FGFR2: variants seen among roughly 807,000 people sequenced by gnomAD.
The protein encoded by FGFR2 is fibroblast growth factor receptor 2.
A neutral mutation model predicts 95.9 loss-of-function variants in FGFR2; 19 were observed. The ratio of observed to expected loss-of-function variants is 0.20; its 90% CI spans 0.14 to 0.29. The LOEUF is 0.29. Among genes scored for constraint, FGFR2 ranks in the 10% least tolerant of loss-of-function variants. FGFR2 has a pLI of 1.00. For synonymous variants in FGFR2, 392 were observed against 393.3 expected (o/e 1.00, Z 0.04); for missense variants, 707 against 1,056.9 (o/e 0.67, Z 4.59).
chr10:121,488,203 A>ATAGCTAT, intron 13 of FGFR2, 90 bp from the exon 14 acceptor site: 1 of 1,555,112 alleles, frequency 6.4e-7, no homozygotes, highest in Non-Finnish European at 8.8e-7. Flanking sequence ...AAATGCAGAT[A>ATAGCTAT]GAAAATATAG....
intron 6 of FGFR2, among the ~76,000 whole-genome samples, chr10:121,524,101 TACACACACAC>T (rs61527395): frequency 1.3e-3 from 117 of 89,208 alleles, no homozygotes; most frequent in African/African-American, 3.9e-3. Context: ...CGGCTATGTA[TACACACACAC>T]ACACACACAC....
intron 2 of FGFR2, among the ~76,000 whole-genome samples, chr10:121,566,243 CAG>C (rs977378654): frequency 3.9e-5 from 6 of 152,110 alleles, no homozygotes; most frequent in African/African-American, 1.4e-4. Context: ...TTTTGCCATC[CAG>C]AGTTTTCATG....
At chr10:121,522,969 C>T (rs556601287) in intron 6 of FGFR2, among the ~76,000 whole-genome samples, 3 of 152,330 alleles carry the variant, frequency 2.0e-5, no homozygotes, top group Admixed American at 6.5e-5. Flanking sequence ...CAATAGATAT[C>T]TACATCATTG....
chr10:121,484,001 A>G (rs1845097186), intron 16 of FGFR2, among the ~76,000 whole-genome samples, 198 bp from the exon 17 acceptor site: 1 of 152,048 alleles, frequency 6.6e-6, no homozygotes, highest in South Asian at 2.1e-4. Context: ...TTTGACTTAC[A>G]AAAACATGTT....
intron 4 of FGFR2, among the ~76,000 whole-genome samples, chr10:121,558,741 C>A (rs1488560386): frequency 6.6e-6 from 1 of 151,968 alleles, no homozygotes; most frequent in Non-Finnish European, 1.5e-5. Flanking sequence ...AGGCGCCCGC[C>A]ACCAAGCCCG....
At chr10:121,563,104 G>A (rs996980889) in intron 4 of FGFR2, among the ~76,000 whole-genome samples, 2 of 152,148 alleles carry the variant, frequency 1.3e-5, no homozygotes, top group African/African-American at 4.8e-5. Flanking sequence ...GGCTGGGCAC[G>A]GTGGCTGACG....
intron 2 of FGFR2, among the ~76,000 whole-genome samples, chr10:121,592,121 G>A (rs1043612276): frequency 5.3e-5 from 8 of 152,262 alleles, no homozygotes; most frequent in East Asian, 3.9e-4. Flanking sequence ...AGCCCACACC[G>A]TAGGAAATCC....
intron 16 of FGFR2, 103 bp from the exon 17 acceptor site, chr10:121,483,906 T>C: frequency 2.4e-6 from 2 of 839,524 alleles, no homozygotes; most frequent in Non-Finnish European, 4.0e-6. Context: ...ATTAGGAAAA[T>C]GCATCAGAAC....
At position 121,592,794 on chromosome 10, in the gene FGFR2, G is replaced by A. The variant is rs574335579; in HGVS notation, c.109+915C>T. Among the ~76,000 whole-genome samples, 205 of 152,250 alleles carry A rather than the reference G, an allele frequency of 1.3e-3. 1 individual carries two copies. Among genetic ancestry groups the A allele is most frequent in the African/African-American group, 4.5e-3 (188 of 41,536 alleles). ...TCCTAAAGCCAGGCAGGCACCAGGT[G>A]GACTCTCCACAAACAGGTTCATTAA... On this transcript the variant is annotated intron_variant, in intron 2 of 17. Coordinates refer to ENST00000358487, the MANE Select transcript of FGFR2 (RefSeq NM_000141.5).
intron 2 of FGFR2, among the ~76,000 whole-genome samples, chr10:121,579,908 A>G (rs934790532): frequency 1.3e-5 from 2 of 152,222 alleles, no homozygotes; most frequent in Non-Finnish European, 2.9e-5. Context: ...TTTCAGGGAC[A>G]GTCACCTTGC....
intron 2 of FGFR2, among the ~76,000 whole-genome samples, chr10:121,592,876 A>G (rs1862873737): frequency 6.6e-6 from 1 of 152,150 alleles, no homozygotes; most frequent in Non-Finnish European, 1.5e-5. Context: ...TCGAAAAATA[A>G]CTCAGCTACC....
intron 1 of FGFR2, 44 bp from the exon 2 acceptor site, chr10:121,594,011 C>A: frequency 1.5e-6 from 1 of 671,842 alleles, no homozygotes; most frequent in Non-Finnish European, 2.7e-6. Flanking sequence ...TCCCCAATGC[C>A]AAATCACTCC....
At chr10:121,597,353 C>T (rs1315857466) in intron 1 of FGFR2, among the ~76,000 whole-genome samples, 1 of 152,272 alleles carries the variant, frequency 6.6e-6, no homozygotes, top group Non-Finnish European at 1.5e-5. Context: ...TCCAGTTCGC[C>T]CCCTAGCCCC....
chr10:121,567,985 T>C (rs930514831), intron 2 of FGFR2, among the ~76,000 whole-genome samples: 39 of 152,252 alleles, frequency 2.6e-4, no homozygotes, highest in African/African-American at 8.2e-4. Flanking sequence ...GTTTAAAAGA[T>C]GTTGGGAACT....
chr10:121,510,605 T>A (rs1225880089), intron 9 of FGFR2, among the ~76,000 whole-genome samples: 1 of 152,022 alleles, frequency 6.6e-6, no homozygotes, highest in Non-Finnish European at 1.5e-5. Context: ...ATTTGGCATA[T>A]GTTTGAGGAT....
At chr10:121,508,875 C>T (rs866973532) in intron 9 of FGFR2, among the ~76,000 whole-genome samples, 1 of 152,224 alleles carries the variant, frequency 6.6e-6, no homozygotes, top group Non-Finnish European at 1.5e-5. Flanking sequence ...CTTTTAAAAT[C>T]CCCTCTGGGG....
In FGFR2 at chr10:121,520,112, A is replaced by G. The variant is rs1424359588; in HGVS notation, c.806T>C (p.Val269Ala). 6.2e-7 allele frequency: 1 copy of G among 1,614,078 alleles called. No individual in the cohort carries two copies. The highest frequency in any genetic ancestry group is 1.1e-5 in the South Asian group (1 of 91,072). ...GACAAACTCTACGTCTCCTCCGACC[A>G]CTGTGGAGGCATTTGCCGGCAGTCC... Reference protein sequence around the residue: ...QAGLPANASTVVGGDVEFVCK... With the variant: ...QAGLPANASTAVGGDVEFVCK... The change falls in exon 7 of 18, where the codon GTG (valine) becomes GCG (alanine). Residue 269 changes from valine (V) to alanine (A), a missense_variant. Around this residue, in one of 7 missense-constraint regions of FGFR2, gnomAD observed 139 missense variants for 278.1 expected, o/e 0.50. Transcript: ENST00000358487.
At chr10:121,594,278 G>A (rs1446785594) in intron 1 of FGFR2, 10 of 286,584 alleles carry the variant, frequency 3.5e-5, no homozygotes, top group African/African-American at 8.6e-5. Context: ...ATCCACTATC[G>A]CCTCCACCGC....
chr10:121,590,025 C>G lies in FGFR2; in HGVS notation c.109+3684G>C, dbSNP rs17102286. 7.6e-3 allele frequency among the ~76,000 whole-genome samples: 1,152 copies of G among 152,284 alleles called. 13 individuals carry two copies. Among genetic ancestry groups the G allele is most frequent in the African/African-American group, 0.022 (895 of 41,558 alleles). ...AGGACTTAAACCATACTGGAAAAAT[C>G]TGACTTAGGGAGGTCTCTGTGTAGA... On this transcript the variant is annotated intron_variant, in intron 2 of 17. Transcript: ENST00000358487.
Sources: gnomAD v4.1 joint callset for allele counts (sites outside exome capture counted in the v4.1 genomes callset) on GRCh38, gnomAD v4.1.1 for gene constraint, gnomAD v4.1.1 regional missense constraint, MANE v1.5 for transcripts, NCBI Gene and HGNC (gene_info 2026-07-23, HGNC 2026-07-21) for gene names.